MET: variants seen among roughly 807,000 people sequenced by gnomAD.
MET encodes MET proto-oncogene, receptor tyrosine kinase.
Under a neutral mutation model 133.1 loss-of-function variants are expected in MET, and 48 were observed. The observed-to-expected ratio is 0.36, with a 90% CI of 0.29 to 0.46. The LOEUF is 0.46. MET is among the 20% of genes least tolerant of loss of function. MET has a pLI of 1.00. For synonymous variants in MET, 628 were observed against 616.5 expected, an observed-to-expected ratio of 1.02 and a Z score of -0.28; for missense variants, 1,442 against 1,695.9, an observed-to-expected ratio of 0.85 and a Z score of 2.63.
At chr7:116,776,279 C>A (rs755627167) in intron 15 of MET, among the ~76,000 whole-genome samples, 53 of 152,180 alleles carry the variant, frequency 3.5e-4, no homozygotes, top group Non-Finnish European at 6.2e-4. Flanking sequence ...AGAGCGTAAT[C>A]CTTTGTGTGC....
chr7:116,733,135 C>A (rs1454611094), intron 3 of MET, among the ~76,000 whole-genome samples: 1 of 152,056 alleles, frequency 6.6e-6, no homozygotes, highest in African/African-American at 2.4e-5. Context: ...CCGCCCCTCC[C>A]ACAGAGACAT....
intron 10 of MET, among the ~76,000 whole-genome samples, chr7:116,762,181 T>G (rs1241277246): frequency 6.6e-6 from 1 of 152,192 alleles, no homozygotes; most frequent in Non-Finnish European, 1.5e-5. Flanking sequence ...AGAGGCTTTG[T>G]AAAATAGAGA....
intron 18 of MET, 57 bp from the exon 19 acceptor site, chr7:116,783,247 C>T (rs2117064500): frequency 1.9e-6 from 3 of 1,594,330 alleles, no homozygotes; most frequent in South Asian, 2.2e-5. Context: ...AGATATTCAG[C>T]ATCATTGTAA....
At chr7:116,759,334 C>G (rs1562923455) in intron 9 of MET, 57 bp from the exon 10 acceptor site, 1 of 1,581,504 alleles carries the variant, frequency 6.3e-7, no homozygotes, top group Non-Finnish European at 8.6e-7. Context: ...CCCTCTCTTA[C>G]AGTACTTGGT....
At chr7:116,781,504 G>T (rs1194254943) in intron 17 of MET, among the ~76,000 whole-genome samples, 2 of 152,238 alleles carry the variant, frequency 1.3e-5, no homozygotes, top group African/African-American at 4.8e-5. Flanking sequence ...TTAGCCTGGT[G>T]TGTTGCATAC....
intron 9 of MET, among the ~76,000 whole-genome samples, chr7:116,759,047 A>T (rs1176471216): frequency 1.3e-5 from 2 of 152,158 alleles, no homozygotes; most frequent in Non-Finnish European, 1.5e-5. Flanking sequence ...TTGATATCTC[A>T]TTGGACCCAG....
rs1367973414 is a variant in MET at position 116,795,589 on chromosome 7, T to C, written c.3799-66T>C. The C allele has an allele frequency of 3.1e-6, 5 of 1,608,902 alleles. No homozygotes were observed. In the African/African-American group the frequency reaches 5.3e-5, roughly 17 times the overall value. ...GCCAAGTTTAGTTACCAAGACCTAC[T>C]GATTTCCTTTCATATATGTATGGTC... is the stretch of plus-strand genomic sequence containing the variant. On this transcript the variant is annotated intron_variant, in intron 19 of 20. Transcript: ENST00000397752.
intron 1 of MET, among the ~76,000 whole-genome samples, chr7:116,697,892 G>A (rs1159879243): frequency 6.6e-6 from 1 of 152,230 alleles, no homozygotes; most frequent in Middle Eastern, 3.4e-3. Context: ...TTATCACTCA[G>A]CCACATTGCA....
chr7:116,707,460 T>C (rs1791844374), intron 2 of MET, among the ~76,000 whole-genome samples: 1 of 152,148 alleles, frequency 6.6e-6, no homozygotes, highest in Non-Finnish European at 1.5e-5. Context: ...TAAACCATTC[T>C]CTTCGAAGGC....
At chr7:116,769,559 C>A (rs913282552) in intron 11 of MET, 86 bp from the exon 12 acceptor site, 1 of 1,516,712 alleles carries the variant, frequency 6.6e-7, no homozygotes, top group Non-Finnish European at 9.1e-7. Flanking sequence ...CCTGTGTTTG[C>A]AGTATATTTA....
At chr7:116,745,066 G>T (rs1182074623) in intron 5 of MET, among the ~76,000 whole-genome samples, 1 of 152,222 alleles carries the variant, frequency 6.6e-6, no homozygotes, top group Non-Finnish European at 1.5e-5. Context: ...AAGCTGATAA[G>T]CAACTTTAGC....
chr7:116,722,278 GT>G (rs1792523859), intron 2 of MET, among the ~76,000 whole-genome samples: 1 of 150,834 alleles, frequency 6.6e-6, no homozygotes. Context: ...TTTAAAGTCT[GT>G]TTTATCAGAG....
At chr7:116,736,111 C>T (rs1793201362) in intron 3 of MET, among the ~76,000 whole-genome samples, 1 of 151,980 alleles carries the variant, frequency 6.6e-6, no homozygotes, top group Non-Finnish European at 1.5e-5. Flanking sequence ...AAAATACACT[C>T]AAGGGTTCTG....
At chr7:116,718,713 A>G (rs1287005793) in intron 2 of MET, among the ~76,000 whole-genome samples, 3 of 145,930 alleles carry the variant, frequency 2.1e-5, no homozygotes, top group African/African-American at 5.1e-5. Context: ...TCATTGTTCA[A>G]TTCCCACCTA....
Position 116,796,157 on chromosome 7 carries a change from T to G in MET, c.*33T>G, listed in dbSNP as rs780355204. On this transcript the variant is annotated 3_prime_UTR_variant, in exon 21 of 21. Transcript: ENST00000397752. ...ACTATGTCAAAGCAACAGTCCACAC[T>G]TTGTCCAATGGTTTTTTCACTGCCT... 1.3e-6 allele frequency: 2 copies of G among 1,597,498 alleles called. No homozygotes were observed. Among genetic ancestry groups the G allele is most frequent in the Non-Finnish European group, 1.7e-6 (2 of 1,166,220 alleles).
chr7:116,750,454 C>A (rs184815676), intron 5 of MET, among the ~76,000 whole-genome samples: 1 of 152,240 alleles, frequency 6.6e-6, no homozygotes, highest in East Asian at 1.9e-4. Flanking sequence ...AAGACTTAAA[C>A]GCAAGACCTA....
chr7:116,784,506 T>C (rs565769652), intron 19 of MET, among the ~76,000 whole-genome samples: 1 of 152,094 alleles, frequency 6.6e-6, no homozygotes, highest in African/African-American at 2.4e-5. Flanking sequence ...GAAGGCAAAA[T>C]AGGAGCAGGC....
intron 1 of MET, among the ~76,000 whole-genome samples, chr7:116,673,187 A>G (rs1037520287): frequency 6.6e-6 from 1 of 152,214 alleles, no homozygotes. Context: ...TGACCCGATA[A>G]TTAAAGCACC....
At chr7:116,682,415 G>A (rs1177986500) in intron 1 of MET, among the ~76,000 whole-genome samples, 2 of 152,176 alleles carry the variant, frequency 1.3e-5, no homozygotes, top group Non-Finnish European at 2.9e-5. Context: ...ATTGAAAAGA[G>A]AGGAGAGTAT....
Sources: gnomAD v4.1 joint callset for allele counts (sites outside exome capture counted in the v4.1 genomes callset) on GRCh38, gnomAD v4.1.1 for gene constraint, MANE v1.5 for transcripts, NCBI Gene and HGNC (gene_info 2026-07-23, HGNC 2026-07-21) for gene names.